TPD52L2: variants seen among roughly 807,000 people sequenced by gnomAD.
TPD52L2 encodes the protein TPD52 like 2.
Under a neutral mutation model 24.7 loss-of-function variants are expected in TPD52L2, and 19 were observed. The observed-to-expected ratio is 0.77, with a 90% confidence interval of 0.54 to 1.13. The LOEUF (loss-of-function observed/expected upper bound fraction) is 1.13, where lower values mean the gene tolerates loss of function less well. Among genes scored for constraint, TPD52L2 ranks in the 50% most tolerant of loss-of-function variants. The pLI is 0.00. For synonymous variants in TPD52L2, 104 were observed against 100.2 expected (o/e 1.04, Z -0.23); for missense variants, 236 against 250.4 (o/e 0.94, Z 0.39).
chr20:63,866,389 C>T (rs2146164537), intron 1 of TPD52L2, among the ~76,000 whole-genome samples: 1 of 152,230 alleles, frequency 6.6e-6, no homozygotes, highest in East Asian at 1.9e-4. Flanking sequence ...AGGCGTGAGC[C>T]ACTGTGCCCG....
At chr20:63,887,800 G>C (rs1428903793) in intron 5 of TPD52L2, 2 of 619,958 alleles carry the variant, frequency 3.2e-6, no homozygotes, top group Middle Eastern at 4.3e-4. Flanking sequence ...TAGGGGGTCA[G>C]GCTCTTCACC....
intron 3 of TPD52L2, among the ~76,000 whole-genome samples, chr20:63,875,245 C>T (rs540997425): frequency 3.3e-5 from 5 of 151,904 alleles, no homozygotes; most frequent in East Asian, 1.9e-4. Context: ...TCCTACATGA[C>T]GACGTGGTCC....
intron 3 of TPD52L2, among the ~76,000 whole-genome samples, chr20:63,874,299 C>G (rs537694439): frequency 4.9e-4 from 73 of 149,728 alleles, no homozygotes; most frequent in Non-Finnish European, 8.7e-4. Flanking sequence ...CCAGGCTGGT[C>G]TTGAACTCCT....
At chr20:63,885,887 TC>T in intron 5 of TPD52L2, 2 of 918,286 alleles carry the variant, frequency 2.2e-6, no homozygotes, top group South Asian at 2.7e-5. Flanking sequence ...TGGAGGGTCT[TC>T]CCCTGCTGGG....
intron 5 of TPD52L2, chr20:63,887,216 C>G (rs1351818878): frequency 2.2e-5 from 9 of 404,496 alleles, no homozygotes; most frequent in Non-Finnish European, 9.2e-6. Flanking sequence ...TTTTACTTGA[C>G]TTGGTGGTTT....
chr20:63,865,450 G>C (rs1375277585), intron 1 of TPD52L2, 66 bp downstream of exon 1: 2 of 1,488,296 alleles, frequency 1.3e-6, no homozygotes, highest in East Asian at 2.7e-5. Flanking sequence ...TCCGTCTCCC[G>C]GGGTCGCGTC....
At chr20:63,874,522 C>T (rs1049885070) in intron 3 of TPD52L2, among the ~76,000 whole-genome samples, 2 of 151,982 alleles carry the variant, frequency 1.3e-5, no homozygotes, top group African/African-American at 2.4e-5. Flanking sequence ...GACAGGCGTG[C>T]GCCACCATGC....
chr20:63,882,646 G>A, intron 4 of TPD52L2, 73 bp from the exon 5 acceptor site: 2 of 1,245,342 alleles, frequency 1.6e-6, no homozygotes, highest in Non-Finnish European at 2.4e-6. Context: ...CGTGCTCCCA[G>A]TGCTTTGTTT....
intron 4 of TPD52L2, among the ~76,000 whole-genome samples, chr20:63,880,528 A>G (rs960598027): frequency 6.6e-6 from 1 of 152,282 alleles, no homozygotes; most frequent in Non-Finnish European, 1.5e-5. Flanking sequence ...TCAGCGAACC[A>G]CAGAATGTTC....
At chr20:63,887,890 G>T in intron 5 of TPD52L2, 1 of 529,562 alleles carries the variant, frequency 1.9e-6, no homozygotes, top group Non-Finnish European at 3.4e-6. Flanking sequence ...TGCAGTGGGT[G>T]GGGTGGGGTT....
chr20:63,879,917 C>T (rs1267790494), intron 4 of TPD52L2, among the ~76,000 whole-genome samples: 41 of 74,130 alleles, frequency 5.5e-4, no homozygotes, highest in African/African-American at 2.4e-3. Context: ...AATGCAGGTG[C>T]AGCTTCCCCA....
chr20:63,875,780 C>T (rs769361646), intron 3 of TPD52L2, 36 bp from the exon 4 acceptor site: 2 of 1,607,566 alleles, frequency 1.2e-6, no homozygotes, highest in Admixed American at 1.7e-5. Flanking sequence ...TAAAATTGTT[C>T]TTCTAAATAA....
intron 1 of TPD52L2, among the ~76,000 whole-genome samples, chr20:63,867,214 A>G (rs2052284901): frequency 6.6e-6 from 1 of 152,142 alleles, no homozygotes; most frequent in Non-Finnish European, 1.5e-5. Context: ...TTGGCCTCCA[A>G]AAGTGCTGGG....
At chr20:63,886,112 G>A in intron 5 of TPD52L2, 4 of 1,511,460 alleles carry the variant, frequency 2.6e-6, no homozygotes, top group African/African-American at 2.7e-5. Flanking sequence ...CTCCGGCAGG[G>A]CCCTTGGGCG....
At chr20:63,870,334 T>A (rs6062561) in intron 2 of TPD52L2, among the ~76,000 whole-genome samples, 1 of 152,056 alleles carries the variant, frequency 6.6e-6, no homozygotes, top group African/African-American at 2.4e-5. Context: ...AGGTTGGTTG[T>A]GCCGCTGAGT....
rs184842804 is a variant in TPD52L2 at position 63,889,245 on chromosome 20, G to T, written c.525+7G>T. On this transcript the variant is annotated splice_region_variant and intron_variant, in intron 6 of 6. Coordinates refer to ENST00000346249, the MANE Select transcript of TPD52L2 (RefSeq NM_003288.4). Reference sequence around the variant, plus strand: ...CCGAGTTGGGACCATAAAGGTAATTGTACCTGGACTGTTTGATGGTCTTGG... The same window carrying T: ...CCGAGTTGGGACCATAAAGGTAATTTTACCTGGACTGTTTGATGGTCTTGG... 12 of 1,611,546 alleles carry T rather than the reference G, an allele frequency of 7.4e-6. No individual in the cohort carries two copies. The East Asian group carries it at 2.5e-4, about 33-fold the overall frequency.
chr20:63,867,519 T>C (rs1190440876), intron 1 of TPD52L2, among the ~76,000 whole-genome samples: 1 of 151,058 alleles, frequency 6.6e-6, no homozygotes, highest in Admixed American at 6.6e-5. Context: ...TGAGCGGAGA[T>C]CGTGCCACTG....
chr20:63,869,687 T>G (rs758514201), intron 2 of TPD52L2, among the ~76,000 whole-genome samples: 9 of 152,214 alleles, frequency 5.9e-5, no homozygotes, highest in Non-Finnish European at 7.3e-5. Flanking sequence ...TGGCCCTTCC[T>G]AAGTGCTCCC....
intron 5 of TPD52L2, chr20:63,885,916 A>G: frequency 1.6e-6 from 2 of 1,274,808 alleles, no homozygotes; most frequent in Non-Finnish European, 1.1e-6. Flanking sequence ...GAGCACGAGC[A>G]GGGGGCCTCC....
Sources: allele counts gnomAD v4.1 joint callset (sites outside exome capture counted in the v4.1 genomes callset), GRCh38; gene constraint gnomAD v4.1.1; transcripts MANE v1.5; gene names NCBI Gene and HGNC (gene_info 2026-07-23, HGNC 2026-07-21).